The following PLEKHG4B variants were observed in gnomAD, a reference collection of about 807,000 sequenced individuals.
PLEKHG4B encodes the protein pleckstrin homology and RhoGEF domain containing G4B, also known as pleckstrin homology domain-containing family G member 4B.
In PLEKHG4B, 111 loss-of-function variants were observed where a neutral mutation model predicts 121.3. The ratio of observed to expected loss-of-function variants is 0.92; its 90% CI spans 0.78 to 1.07. PLEKHG4B has a LOEUF of 1.07. PLEKHG4B is among the 50% of genes least tolerant of loss of function. PLEKHG4B has a pLI of 0.00. For synonymous variants in PLEKHG4B, 738 were observed against 725.0 expected, an observed-to-expected ratio of 1.02 and a Z score of -0.29; for missense variants, 1,831 against 1,757.8, an observed-to-expected ratio of 1.04 and a Z score of -0.74.
chr5:112,005 G>C (rs542763627), intron 1 of PLEKHG4B, among the ~76,000 whole-genome samples: 6 of 152,166 alleles, frequency 3.9e-5, no homozygotes, highest in African/African-American at 7.2e-5. Flanking sequence ...TGTGTTTGCT[G>C]TGTGGCTCAG....
chr5:162,836 G>T lies in PLEKHG4B; in HGVS notation c.2764G>T (p.Gly922Trp). 2.0e-6 allele frequency: 3 copies of T among 1,511,682 alleles called. No homozygotes were observed. The highest frequency in any genetic ancestry group is 2.4e-5 in the East Asian group (1 of 42,070). The allele number at this position is 1,511,682 out of a possible 1,614,324, so 93.6% of individuals were successfully genotyped here. The stretch of plus-strand genomic sequence containing the variant: ...CTCGGTGGCTGCAGAGGCCTTCCCC[G>T]GGGCAGGTGTGGCAGTGCTGAAGCC... ...ATSVAAEAFP[G>W]AGVAVLKPHA... is the part of the protein sequence containing the mutation. Residue 922 changes from glycine (G) to tryptophan (W), a missense_variant, in exon 13 of 20, where the codon GGG (glycine) becomes TGG (tryptophan). Coordinates refer to ENST00000637938, the MANE Select transcript of PLEKHG4B (RefSeq NM_052909.5).
In PLEKHG4B at chr5:189,387, G is replaced by C. The variant is rs576072776; in HGVS notation, c.*7064G>C. On this transcript the variant is annotated 3_prime_UTR_variant, in exon 20 of 20. Transcript: ENST00000637938. ...GACCAGTGTACCTCACAACCTTTCA[G>C]ACCAGTGAAGGCCAGTGGGCTGGGT... 6.6e-6 allele frequency: 1 copy of C among 152,474 alleles called. No individual in the cohort carries two copies. The highest frequency in any genetic ancestry group is 2.4e-5 in the African/African-American group (1 of 41,584). 9.4% of individuals were successfully genotyped at this position (152,474 alleles called of 1,614,324 possible). A position where few individuals can be genotyped will look rare whatever the true frequency, so the allele number is the denominator to read the frequency against.
At chr5:181,437 TA>T in intron 18 of PLEKHG4B, 76 bp from the exon 19 acceptor site, 3 of 1,475,798 alleles carry the variant, frequency 2.0e-6, no homozygotes, top group East Asian at 2.3e-5. Context: ...CTGAGGGCAT[TA>T]GGGGTACCGG....
rs370839530 is a variant in PLEKHG4B at position 131,118 on chromosome 5, C to CT, written c.244-8355dup. Among the ~76,000 whole-genome samples the CT allele has an allele frequency of 2.0e-3, 289 of 148,118 alleles. 1 individual carries two copies. The highest frequency in any genetic ancestry group is 2.1e-3 in the Non-Finnish European group (142 of 66,886). ...AAGTTCCCCTTGAAGAAGCTGCTTC[C>CT]TTTTTTTTTTACTTTAAATTCTAGG... On this transcript the variant is annotated intron_variant, in intron 2 of 19. Transcript: ENST00000637938.
chr5:154,936 C>G lies in PLEKHG4B; in HGVS notation c.2054C>G (p.Ala685Gly), dbSNP rs1017495583. The G allele has an allele frequency of 5.0e-6, 8 of 1,613,776 alleles. No individual in the cohort carries two copies. Among genetic ancestry groups the G allele is most frequent in the Non-Finnish European group, 6.8e-6 (8 of 1,180,052 alleles). ...HKFVDSCQLT[A>G]DLDGSFPYSH... ...TTTGTTGACAGCTGCCAGCTGACCGCAGACCTCGACGGCTCCTTTCCCTAC... is the reference window on the plus strand; with the variant it reads ...TTTGTTGACAGCTGCCAGCTGACCGGAGACCTCGACGGCTCCTTTCCCTAC... Residue 685 changes from alanine (A) to glycine (G), a missense_variant, in exon 8 of 20, where the codon GCA (alanine) becomes GGA (glycine). Coordinates refer to ENST00000637938, the MANE Select transcript of PLEKHG4B (RefSeq NM_052909.5).
intron 1 of PLEKHG4B, among the ~76,000 whole-genome samples, chr5:97,025 C>T (rs1239476201): frequency 1.3e-5 from 2 of 152,256 alleles, no homozygotes; most frequent in Non-Finnish European, 2.9e-5. Context: ...CTCTTTCTAG[C>T]TCCAGACCAT....
At chr5:129,953 C>G (rs1346725814) in intron 2 of PLEKHG4B, among the ~76,000 whole-genome samples, 1 of 152,102 alleles carries the variant, frequency 6.6e-6, no homozygotes, top group African/African-American at 2.4e-5. Context: ...AGGCTTCACC[C>G]AGAATGTGCT....
At chr5:111,645 G>A (rs995238843) in intron 1 of PLEKHG4B, among the ~76,000 whole-genome samples, 3 of 152,146 alleles carry the variant, frequency 2.0e-5, no homozygotes, top group Admixed American at 6.5e-5. Flanking sequence ...TGCAGAATAC[G>A]TCTCTCCCGG....
intron 17 of PLEKHG4B, among the ~76,000 whole-genome samples, chr5:173,401 G>T (rs557311945): frequency 6.6e-6 from 1 of 152,072 alleles, no homozygotes; most frequent in Non-Finnish European, 1.5e-5. Flanking sequence ...GCACAGGGAG[G>T]GCTTTGCTGA....
chr5:143,524 G>T (rs374839541), intron 5 of PLEKHG4B, 21 bp downstream of exon 5: 5 of 1,611,474 alleles, frequency 3.1e-6, no homozygotes, highest in Non-Finnish European at 4.2e-6. Flanking sequence ...GGGCAAGGCC[G>T]CACCCTGCAG....
intron 18 of PLEKHG4B, 91 bp from the exon 19 acceptor site, chr5:181,423 T>C (rs1733360016): frequency 7.3e-7 from 1 of 1,368,614 alleles, no homozygotes; most frequent in Non-Finnish European, 1.0e-6. Context: ...CCTCCTGGTT[T>C]GGGCTGAGGG....
rs115510931 is a variant in PLEKHG4B at position 163,103 on chromosome 5, G to A, written c.3031G>A (p.Gly1011Ser). 1.0e-4 allele frequency: 164 copies of A among 1,564,354 alleles called. No homozygotes were observed. The highest frequency in any genetic ancestry group is 7.5e-4 in the East Asian group (32 of 42,720). Residue 1011 changes from glycine to serine, a missense_variant, in exon 13 of 20, where the codon GGC (glycine) becomes AGC (serine). Gly to Ser is a moderately conservative substitution (Grantham distance 56). Coordinates refer to ENST00000637938, the MANE Select transcript of PLEKHG4B (RefSeq NM_052909.5). ...GAWEPAQPLSGLPGRALLCGQ... is the reference protein window; with the variant it reads ...GAWEPAQPLSSLPGRALLCGQ... ...CTGGGAACCTGCGCAACCACTGTCC[G>A]GCCTCCCTGGACGAGCGCTTCTGTG...
At chr5:101,874 A>G (rs1392207171) in intron 1 of PLEKHG4B, among the ~76,000 whole-genome samples, 4 of 80,072 alleles carry the variant, frequency 5.0e-5, no homozygotes, top group African/African-American at 9.1e-5. Context: ...AAAGCCCTGG[A>G]AAAAGTCTGT....
Position 164,773 on chromosome 5 carries a change from A to G in PLEKHG4B, c.3476+1225A>G, listed in dbSNP as rs1350776795. Among the ~76,000 whole-genome samples the G allele has an allele frequency of 4.8e-4, 50 of 103,296 alleles. 1 individual carries two copies. The highest frequency in any genetic ancestry group is 6.2e-4 in the Admixed American group (6 of 9,688). The allele number at this position is 103,296 out of a possible 152,430, so 67.8% of individuals were successfully genotyped here. A position where few individuals can be genotyped will look rare whatever the true frequency, so the allele number is the denominator to read the frequency against. ...TCACAGTAATCCTCTGACGGGGCGG[A>G]GCTCACACTAATGCTCTGACGGGGC... On this transcript the variant is annotated intron_variant, in intron 13 of 19. Transcript: ENST00000637938.
rs761252511 is a variant in PLEKHG4B at position 143,216 on chromosome 5, C to T, written c.1647C>T (p.Val549=). The T allele has an allele frequency of 4.3e-6, 7 of 1,611,148 alleles. No individual in the cohort carries two copies. Among genetic ancestry groups the T allele is most frequent in the Non-Finnish European group, 3.4e-6 (4 of 1,180,004 alleles). Residue 549 remains valine (V), a synonymous_variant, in exon 4 of 20, where the codon GTC becomes GTT. Transcript: ENST00000637938. The part of the protein sequence containing the change: ...PSQVPKQVLD[V]SQELLQSGVV... ...AGGTGCCCAAGCAGGTGCTGGACGT[C>T]AGTCAGGAGCTGCTGCAGTCCGGGG...
rs1219721140 is a variant in PLEKHG4B, at chr5:189,149, T to G, written c.*6826T>G. ...CCTGCCCCCTAGGCCTGGCCTCTTT[T>G]GCTTTCCTCCTGGATGGTTCCTCTA... On this transcript the variant is annotated 3_prime_UTR_variant, in exon 20 of 20. Transcript: ENST00000637938. 1.3e-5 allele frequency: 2 copies of G among 152,466 alleles called. No homozygotes were observed. The highest frequency in any genetic ancestry group is 4.8e-5 in the African/African-American group (2 of 41,484). 9.4% of individuals were successfully genotyped at this position (152,466 alleles called of 1,614,324 possible).
In PLEKHG4B at chr5:140,587, G is replaced by A; in HGVS notation, c.1348G>A (p.Ala450Thr). The A allele has an allele frequency of 6.2e-7, 1 of 1,609,564 alleles. No individual in the cohort carries two copies. The highest frequency in any genetic ancestry group is 8.5e-7 in the Non-Finnish European group (1 of 1,178,472). The change falls in exon 3 of 20, where the codon GCC becomes ACC. Residue 450 changes from alanine to threonine, a missense_variant. Coordinates refer to ENST00000637938, the MANE Select transcript of PLEKHG4B (RefSeq NM_052909.5). ...AAGGGCACCCAGAAGCTCCAGAGGGGCCCAGGCTGCAGCCTGCCACACCTC... is the reference window on the plus strand; with the variant it reads ...AAGGGCACCCAGAAGCTCCAGAGGGACCCAGGCTGCAGCCTGCCACACCTC... ...WERAPRSSRGAQAAACHTSHH... is the reference protein window; with the variant it reads ...WERAPRSSRGTQAAACHTSHH...
rs752725585 is a variant in PLEKHG4B at position 140,529 on chromosome 5, G to A, written c.1290G>A (p.Gly430=). Reference sequence around the variant, plus strand: ...GCCGGACAGGTCCAGGAGCTGCAGGGCGGACTCTTCCCAGGAGATCTCGGT... The same window carrying A: ...GCCGGACAGGTCCAGGAGCTGCAGGACGGACTCTTCCCAGGAGATCTCGGT... ...TPSRTGPGAA[G]RTLPRRSRSW... is the part of the protein sequence containing the mutation. The change falls in exon 3 of 20, where the codon GGG becomes GGA. Residue 430 remains glycine (G), a synonymous_variant. Coordinates refer to ENST00000637938, the MANE Select transcript of PLEKHG4B (RefSeq NM_052909.5). 13 of 1,599,460 alleles carry A rather than the reference G, an allele frequency of 8.1e-6. No homozygotes were observed. Among genetic ancestry groups the A allele is most frequent in the Non-Finnish European group, 1.1e-5 (13 of 1,173,642 alleles).
chr5:166,775 G>T (rs1224993504), intron 13 of PLEKHG4B, among the ~76,000 whole-genome samples: 1 of 152,222 alleles, frequency 6.6e-6, no homozygotes, highest in Non-Finnish European at 1.5e-5. Flanking sequence ...AATCTGAACG[G>T]AGAAGGCCCA....
Sources: allele counts gnomAD v4.1 joint callset (sites outside exome capture counted in the v4.1 genomes callset), GRCh38; gene constraint gnomAD v4.1.1; transcripts MANE v1.5; gene names NCBI Gene and HGNC (gene_info 2026-07-23, HGNC 2026-07-21).